The following HOXD3 variants were observed in gnomAD, a reference collection of about 807,000 sequenced individuals.
HOXD3 encodes the protein homeobox protein Hox-D3.
Under a neutral mutation model 32.8 loss-of-function variants are expected in HOXD3, and 13 were observed. The observed-to-expected ratio is 0.40, with a 90% confidence interval of 0.26 to 0.63. HOXD3 has a LOEUF of 0.63. HOXD3 is among the 20% of genes least tolerant of loss of function. The probability of loss-of-function intolerance (pLI) is 0.44; values close to 1 mark genes in which losing one functional copy is unlikely to be tolerated. For missense variants in HOXD3, 504 were observed against 577.1 expected, an observed-to-expected ratio of 0.87 and a Z score of 1.30; for synonymous variants, 241 against 246.8, an observed-to-expected ratio of 0.98 and a Z score of 0.22.
At chr2:176,160,809 G>T (rs572643223) in intron 1 of HOXD3, 1 of 152,226 alleles carries the variant, frequency 6.6e-6, no homozygotes, top group African/African-American at 2.4e-5. Context: ...GAGCGGACGG[G>T]CGGGCGGGTG....
intron 1 of HOXD3, 83 bp from the exon 2 acceptor site, chr2:176,163,990 C>A (rs1174218890): frequency 6.6e-6 from 1 of 152,190 alleles, no homozygotes; most frequent in Non-Finnish European, 1.5e-5. Flanking sequence ...CTATGACGTC[C>A]TTCAAGTGGG....
upstream of HOXD3, chr2:176,152,970 C>T (rs1395571486): frequency 6.2e-7 from 1 of 1,605,316 alleles, no homozygotes; most frequent in South Asian, 1.1e-5. This position sits in a 1 kb window ranked among gnomAD's most constrained non-coding sequence, Gnocchi z 5.2. Flanking sequence ...CCATCTCTCC[C>T]TGCGCACCAG....
chr2:176,159,548 C>A (rs141195366), intron 1 of HOXD3, among the ~76,000 whole-genome samples: 1 of 152,280 alleles, frequency 6.6e-6, no homozygotes, highest in African/African-American at 2.4e-5. Flanking sequence ...TGGAGAGTTC[C>A]CCGTGGTGCG....
At position 176,169,129 on chromosome 2, in the gene HOXD3, G is replaced by C; in HGVS notation, c.15G>C (p.Gln5His). ...AGTGGTAGTCAATGTTATTTGAGCAGGGTCAGCAGGCCCTGGAGCTTCCTG... is the reference window on the plus strand; with the variant it reads ...AGTGGTAGTCAATGTTATTTGAGCACGGTCAGCAGGCCCTGGAGCTTCCTG... MLFE[Q>H]GQQALELPEC... The change falls in exon 3 of 4, where the codon CAG (glutamine) becomes CAC (histidine). Residue 5 changes from glutamine (Q) to histidine (H), a missense_variant. Physicochemically the swap from Gln to His is conservative, Grantham distance 24. Around this residue, in one of 3 missense-constraint regions of HOXD3, gnomAD observed 181 missense variants for 172.2 expected, o/e 1.05. Transcript: ENST00000683222. 6.2e-7 allele frequency: 1 copy of C among 1,610,406 alleles called. No homozygotes were observed. Among genetic ancestry groups the C allele is most frequent in the Non-Finnish European group, 8.5e-7 (1 of 1,177,926 alleles).
At chr2:176,163,616 A>G in intron 1 of HOXD3, among the ~76,000 whole-genome samples, 1 of 152,148 alleles carries the variant, frequency 6.6e-6, no homozygotes, top group East Asian at 1.9e-4. Context: ...GATCCACCCA[A>G]GCCTATTTAC....
chr2:176,159,067 T>A (rs1034475496), intron 1 of HOXD3, among the ~76,000 whole-genome samples: 8 of 152,196 alleles, frequency 5.3e-5, no homozygotes, highest in Admixed American at 4.6e-4. Context: ...ACTGTAAATC[T>A]TTCCGGTTTA....
chr2:176,171,528 G>A lies in HOXD3; in HGVS notation c.553G>A (p.Glu185Lys). The change falls in exon 4 of 4, where the codon GAG becomes AAG. Residue 185 changes from glutamate to lysine, a missense_variant. Transcript: ENST00000683222. ...CCCTCCCTGCCCAGGAGAGAGCTGC[G>A]AGGACAAGAGCCCGCCAGGCCCAGC... ...NSCATAGESCEDKSPPGPASK... is the reference protein window; with the variant it reads ...NSCATAGESCKDKSPPGPASK... 1 of 1,586,908 alleles carries A rather than the reference G, an allele frequency of 6.3e-7. No individual in the cohort carries two copies.
chr2:176,152,963 T>A, upstream of HOXD3: 1 of 1,608,326 alleles, frequency 6.2e-7, no homozygotes, highest in Non-Finnish European at 8.5e-7. The surrounding 1 kb of genome is among the most constrained non-coding windows in gnomAD (Gnocchi z 5.2). Context: ...CCTGGGCCCA[T>A]CTCTCCCTGC....
chr2:176,169,545 A>G lies in HOXD3; in HGVS notation c.431A>G (p.Lys144Arg). 1.2e-6 allele frequency: 2 copies of G among 1,613,934 alleles called. No individual in the cohort carries two copies. The highest frequency in any genetic ancestry group is 1.7e-6 in the Non-Finnish European group (2 of 1,179,984). Residue 144 changes from lysine to arginine, a missense_variant, in exon 3 of 4, where the codon AAA becomes AGA. Lys to Arg is a conservative substitution (Grantham distance 26, BLOSUM62 2). Coordinates refer to ENST00000683222, the MANE Select transcript of HOXD3 (RefSeq NM_006898.5). ...PGGGVPAKKPKGGPNASSSSA... is the reference protein window; with the variant it reads ...PGGGVPAKKPRGGPNASSSSA... ...GGTGGAGTGCCTGCCAAGAAGCCCA[A>G]AGGTGGGCCCAATGCTTCTAGCTCC...
chr2:176,169,696 C>T lies in HOXD3; in HGVS notation c.541+41C>T, dbSNP rs1691110512. The T allele has an allele frequency of 2.0e-6, 3 of 1,533,810 alleles. No homozygotes were observed. The Admixed American group carries it at 6.1e-5, about 31-fold the overall frequency. On this transcript the variant is annotated intron_variant, in intron 3 of 3. Transcript: ENST00000683222. ...GGCCTACTGCCAGACCAAGCCCCCT[C>T]CAGATTGACCCAAGGAAGCCTAGTC...
chr2:176,160,243 C>G (rs186785801), intron 1 of HOXD3, among the ~76,000 whole-genome samples: 1 of 152,120 alleles, frequency 6.6e-6, no homozygotes, highest in South Asian at 2.1e-4. Context: ...GCTAGGGGTA[C>G]CCTCAGCCTC....
In HOXD3 at chr2:176,171,794, C is replaced by T; in HGVS notation, c.819C>T (p.Leu273=). The T allele has an allele frequency of 6.2e-7, 1 of 1,612,936 alleles. No homozygotes were observed. The highest frequency in any genetic ancestry group is 8.5e-7 in the Non-Finnish European group (1 of 1,179,534). The part of the protein sequence containing the change: ...ASQSPERSPP[L]GGAAGHVAYS... ...AGTCCCCTGAGCGCAGCCCACCGCT[C>T]GGCGGCGCCGCTGGCCACGTGGCCT... Residue 273 remains leucine (L), a synonymous_variant, in exon 4 of 4, where the codon CTC becomes CTT. Coordinates refer to ENST00000683222, the MANE Select transcript of HOXD3 (RefSeq NM_006898.5).
intron 3 of HOXD3, among the ~76,000 whole-genome samples, chr2:176,170,276 T>C (rs1691128682): frequency 6.6e-6 from 1 of 152,140 alleles, no homozygotes; most frequent in Admixed American, 6.5e-5. Flanking sequence ...AGCATAACCA[T>C]GAGTCTCTAT....
intron 2 of HOXD3, among the ~76,000 whole-genome samples, chr2:176,168,261 C>CAAAAAAAA (rs34436368): frequency 9.7e-6 from 1 of 103,364 alleles, no homozygotes. Context: ...CCTGTCTCTA[C>CAAAAAAAA]AAAAAAAAAA....
chr2:176,152,997 G>A (rs1300367641), upstream of HOXD3: 4 of 1,567,834 alleles, frequency 2.6e-6, no homozygotes, highest in East Asian at 2.2e-5. This position sits in a 1 kb window ranked among gnomAD's most constrained non-coding sequence, Gnocchi z 5.2. Context: ...CCGAAGCTGC[G>A]GGGGCAGGCC....
At chr2:176,170,896 T>TG (rs1473001265) in intron 3 of HOXD3, among the ~76,000 whole-genome samples, 5 of 61,036 alleles carry the variant, frequency 8.2e-5, no homozygotes, top group Admixed American at 5.4e-4. Flanking sequence ...ACCCAGGCAG[T>TG]GTTTTTTTTT....
intron 3 of HOXD3, among the ~76,000 whole-genome samples, chr2:176,170,115 A>G (rs1287519801): frequency 6.6e-6 from 1 of 152,160 alleles, no homozygotes; most frequent in African/African-American, 2.4e-5. Context: ...ATCTAATTTA[A>G]TTTTTCAAAG....
chr2:176,169,941 A>G (rs1325284520), intron 3 of HOXD3, among the ~76,000 whole-genome samples: 1 of 151,586 alleles, frequency 6.6e-6, no homozygotes, highest in Non-Finnish European at 1.5e-5. Flanking sequence ...GCTAATTATA[A>G]CTCCATTCCC....
intron 3 of HOXD3, among the ~76,000 whole-genome samples, chr2:176,169,948 T>C (rs1691118060): frequency 6.6e-6 from 1 of 151,914 alleles, no homozygotes; most frequent in Non-Finnish European, 1.5e-5. Flanking sequence ...ATAACTCCAT[T>C]CCCTCTTCCA....
Sources: allele counts gnomAD v4.1 joint callset (sites outside exome capture counted in the v4.1 genomes callset), GRCh38; gene constraint gnomAD v4.1.1; regional missense constraint gnomAD v4.1.1; non-coding constraint Gnocchi (gnomAD v3.1); transcripts MANE v1.5; gene names NCBI Gene and HGNC (gene_info 2026-07-23, HGNC 2026-07-21).